Variants in IGSF11 observed in about 807,000 individuals in gnomAD.
IGSF11 encodes the protein CXADR like 1.
A neutral mutation model predicts 41.0 loss-of-function variants in IGSF11; 22 were observed. The observed-to-expected ratio is 0.54, with a 90% CI of 0.38 to 0.77. The LOEUF (loss-of-function observed/expected upper bound fraction) is 0.77. Among genes scored for constraint, IGSF11 ranks in the 30% least tolerant of loss-of-function variants. IGSF11 has a pLI of 0.00. For missense variants in IGSF11, 444 were observed against 530.8 expected (o/e 0.84, Z 1.61); for synonymous variants, 219 against 201.3 (o/e 1.09, Z -0.74).
chr3:119,050,300 A>G (rs1364604329), intron 1 of IGSF11, among the ~76,000 whole-genome samples: 1 of 104,844 alleles, frequency 9.5e-6, no homozygotes, highest in Non-Finnish European at 2.6e-5. Context: ...AATTTACAAG[A>G]AAAAAACAAA....
intron 3 of IGSF11, among the ~76,000 whole-genome samples, chr3:118,927,886 T>C (rs527930303): frequency 6.6e-6 from 1 of 152,160 alleles, no homozygotes; most frequent in East Asian, 1.9e-4. Flanking sequence ...ATGGAAAGAG[T>C]GCTGGTTTGA....
chr3:119,143,855 T>C (rs1366313241), intron 1 of IGSF11, among the ~76,000 whole-genome samples: 2 of 152,156 alleles, frequency 1.3e-5, no homozygotes, highest in East Asian at 3.8e-4. Context: ...AAAAATGTTA[T>C]GAGGGACGAA....
intron 1 of IGSF11, among the ~76,000 whole-genome samples, chr3:118,945,201 G>A (rs1337832038): frequency 2.6e-5 from 4 of 151,686 alleles, no homozygotes; most frequent in Non-Finnish European, 5.9e-5. Context: ...AAATAAGCAG[G>A]GAAAAAAAAC....
intron 1 of IGSF11, among the ~76,000 whole-genome samples, chr3:119,099,089 A>G (rs1190731000): frequency 6.6e-6 from 1 of 152,226 alleles, no homozygotes; most frequent in East Asian, 1.9e-4. Flanking sequence ...GGGGAAAAAA[A>G]GGTCACAGGT....
chr3:119,103,763 C>A (rs953322258), intron 1 of IGSF11, among the ~76,000 whole-genome samples: 1 of 151,770 alleles, frequency 6.6e-6, no homozygotes, highest in Non-Finnish European at 1.5e-5. Flanking sequence ...TCCTACCAAT[C>A]CTGCTTCTTA....
At chr3:119,051,752 A>G (rs2107436473) in intron 1 of IGSF11, among the ~76,000 whole-genome samples, 1 of 152,348 alleles carries the variant, frequency 6.6e-6, no homozygotes, top group South Asian at 2.1e-4. Context: ...CAATAAATTT[A>G]AGAAAATTGA....
chr3:119,132,539 T>C (rs1460881697), intron 1 of IGSF11, among the ~76,000 whole-genome samples: 3 of 152,122 alleles, frequency 2.0e-5, no homozygotes, highest in Non-Finnish European at 2.9e-5. Context: ...TAAATAGATA[T>C]GCACCCAATA....
At chr3:118,944,593 A>T (rs1279989664) in intron 1 of IGSF11, among the ~76,000 whole-genome samples, 1 of 151,956 alleles carries the variant, frequency 6.6e-6, no homozygotes, top group East Asian at 1.9e-4. Flanking sequence ...AAATGCCCTC[A>T]TGACACCCTG....
chr3:119,140,645 G>T (rs1032589249), intron 1 of IGSF11, among the ~76,000 whole-genome samples: 1 of 151,496 alleles, frequency 6.6e-6, no homozygotes, highest in African/African-American at 2.4e-5. Flanking sequence ...AGAACATTCC[G>T]CCCAACCGCA....
At chr3:119,112,229 A>T (rs2077178335) in intron 1 of IGSF11, among the ~76,000 whole-genome samples, 1 of 152,086 alleles carries the variant, frequency 6.6e-6, no homozygotes, top group Non-Finnish European at 1.5e-5. Flanking sequence ...GGCCTCCTTG[A>T]GCTGTGGTGG....
In IGSF11 at chr3:118,967,222, G is replaced by T. The variant is rs539575847; in HGVS notation, c.53-36947C>A. 9.2e-3 allele frequency among the ~76,000 whole-genome samples: 1,399 copies of T among 151,920 alleles called. 31 individuals carry two copies. Among genetic ancestry groups the T allele is most frequent in the African/African-American group, 0.032 (1,322 of 41,460 alleles). On this transcript the variant is annotated intron_variant, in intron 1 of 6. Transcript: ENST00000393775. ...ATATATGTACATATGTATGGAGAGA[G>T]ATATATATATAATCTTTTAAATAAA...
intron 1 of IGSF11, among the ~76,000 whole-genome samples, chr3:119,114,799 T>C (rs1418109659): frequency 6.6e-6 from 1 of 152,250 alleles, no homozygotes; most frequent in Non-Finnish European, 1.5e-5. Flanking sequence ...TCTGTATTAG[T>C]TCATTCTCGC....
At chr3:119,018,681 A>C (rs537235278) in intron 1 of IGSF11, among the ~76,000 whole-genome samples, 92 of 152,372 alleles carry the variant, frequency 6.0e-4, no homozygotes, top group African/African-American at 2.1e-3. Context: ...CTTAATGATT[A>C]ATGAATAAAC....
At chr3:118,940,594 A>G (rs1439377351) in intron 1 of IGSF11, among the ~76,000 whole-genome samples, 1 of 152,154 alleles carries the variant, frequency 6.6e-6, no homozygotes, top group Non-Finnish European at 1.5e-5. Flanking sequence ...TTAGGAGGTC[A>G]AGTCAACCCA....
chr3:119,010,365 G>A (rs1048329292), intron 1 of IGSF11, among the ~76,000 whole-genome samples: 5 of 152,298 alleles, frequency 3.3e-5, no homozygotes, highest in Middle Eastern at 3.4e-3. Context: ...TGAGAGCGAC[G>A]GTTAATTGTA....
intron 1 of IGSF11, among the ~76,000 whole-genome samples, chr3:119,098,569 A>G (rs986346512): frequency 3.3e-5 from 5 of 152,240 alleles, no homozygotes; most frequent in African/African-American, 1.2e-4. Flanking sequence ...GAATAAATGA[A>G]ATAAGAAATG....
intron 1 of IGSF11, among the ~76,000 whole-genome samples, chr3:119,086,329 A>C (rs2076672461): frequency 6.6e-6 from 1 of 152,238 alleles, no homozygotes; most frequent in Admixed American, 6.5e-5. Flanking sequence ...GATTCAATCC[A>C]TGGAAATTTC....
At chr3:119,037,661 T>C (rs1416142530), upstream of IGSF11, among the ~76,000 whole-genome samples, 1 of 152,204 alleles carries the variant, frequency 6.6e-6, no homozygotes, top group East Asian at 1.9e-4. Flanking sequence ...ACTGCTAAAG[T>C]TCACATTTTA....
At chr3:119,028,237 CTA>C in intron 1 of IGSF11, among the ~76,000 whole-genome samples, 1 of 152,208 alleles carries the variant, frequency 6.6e-6, no homozygotes, top group Middle Eastern at 3.4e-3. Context: ...CTGGGATAAA[CTA>C]TGAATGGAAA....
Sources: gnomAD v4.1 joint callset for allele counts (sites outside exome capture counted in the v4.1 genomes callset) on GRCh38, gnomAD v4.1.1 for gene constraint, MANE v1.5 for transcripts, NCBI Gene and HGNC (gene_info 2026-07-23, HGNC 2026-07-21) for gene names.